DCDC1: variants seen among roughly 807,000 people sequenced by gnomAD.
DCDC1 encodes doublecortin domain-containing protein 1.
A neutral mutation model predicts 178.3 loss-of-function variants in DCDC1; 200 were observed. The ratio of observed to expected loss-of-function variants is 1.12; its 90% CI spans 1.00 to 1.26. The LOEUF is 1.26. Among genes scored for constraint, DCDC1 ranks in the 50% most tolerant of loss-of-function variants. The pLI, the probability that DCDC1 is intolerant of heterozygous loss-of-function variation, is 0.00. For missense variants in DCDC1, 1,983 were observed against 1,749.2 expected, an observed-to-expected ratio of 1.13 and a Z score of -2.38; for synonymous variants, 690 against 604.8, an observed-to-expected ratio of 1.14 and a Z score of -2.07.
At chr11:31,280,970 T>C (rs562068535) in intron 7 of DCDC1, 1 of 626,532 alleles carries the variant, frequency 1.6e-6, no homozygotes, top group South Asian at 1.4e-5. Flanking sequence ...TCTTCTTGCC[T>C]TTCTCAACAT....
intron 6 of DCDC1, among the ~76,000 whole-genome samples, chr11:31,292,397 G>T (rs1947297982): frequency 6.6e-6 from 1 of 152,082 alleles, no homozygotes; most frequent in South Asian, 2.1e-4. Context: ...ACAAATGATA[G>T]TACAATGTAT....
At chr11:31,062,007 G>C (rs1955948766) in intron 20 of DCDC1, among the ~76,000 whole-genome samples, 1 of 152,050 alleles carries the variant, frequency 6.6e-6, no homozygotes, top group South Asian at 2.1e-4. Context: ...AAATCCCTAA[G>C]CTACCCAGTG....
chr11:30,957,333 T>C (rs1214272707), intron 20 of DCDC1, among the ~76,000 whole-genome samples: 2 of 152,170 alleles, frequency 1.3e-5, no homozygotes, highest in Admixed American at 6.6e-5. Flanking sequence ...AAAAGGCTCA[T>C]CTCCTTTTTC....
At chr11:31,357,083 T>C in intron 1 of DCDC1, among the ~76,000 whole-genome samples, 1 of 151,998 alleles carries the variant, frequency 6.6e-6, no homozygotes, top group Non-Finnish European at 1.5e-5. Context: ...CCTAACTCAT[T>C]TTATGAGGGC....
At chr11:31,272,828 T>C (rs1945673051) in intron 7 of DCDC1, among the ~76,000 whole-genome samples, 1 of 152,200 alleles carries the variant, frequency 6.6e-6, no homozygotes, top group South Asian at 2.1e-4. Context: ...ATGGTGCAAG[T>C]TGTCAGTGGA....
intron 21 of DCDC1, among the ~76,000 whole-genome samples, chr11:30,933,521 G>A (rs1947074068): frequency 1.3e-5 from 2 of 152,178 alleles, no homozygotes; most frequent in Non-Finnish European, 1.5e-5. Flanking sequence ...TGCTCATGAT[G>A]TATGACACTT....
At chr11:30,999,465 T>C (rs1217633571) in intron 20 of DCDC1, among the ~76,000 whole-genome samples, 1 of 152,338 alleles carries the variant, frequency 6.6e-6, no homozygotes, top group East Asian at 1.9e-4. Context: ...TCTAATTTCC[T>C]TATGTATTCT....
At chr11:31,194,558 C>T (rs1970464869) in intron 9 of DCDC1, among the ~76,000 whole-genome samples, 1 of 151,980 alleles carries the variant, frequency 6.6e-6, no homozygotes, top group African/African-American at 2.4e-5. Flanking sequence ...CATAACTCTA[C>T]TTTTTAGTTA....
chr11:31,334,231 G>A (rs1021867543), intron 2 of DCDC1, among the ~76,000 whole-genome samples: 5 of 152,078 alleles, frequency 3.3e-5, no homozygotes, highest in African/African-American at 9.7e-5. Flanking sequence ...AGCTCCATCA[G>A]GTCATTTAAG....
chr11:31,006,849 T>C (rs1275479883), intron 20 of DCDC1, among the ~76,000 whole-genome samples: 2 of 152,248 alleles, frequency 1.3e-5, no homozygotes, highest in Non-Finnish European at 2.9e-5. Flanking sequence ...AAAATTATCT[T>C]ATACCACTTG....
At chr11:31,167,497 T>C (rs1236457864) in intron 9 of DCDC1, among the ~76,000 whole-genome samples, 1 of 152,174 alleles carries the variant, frequency 6.6e-6, no homozygotes, top group Non-Finnish European at 1.5e-5. Context: ...CTTTTTACTA[T>C]TTCCAGAAAA....
At chr11:31,013,938 C>T (rs77990357) in intron 20 of DCDC1, among the ~76,000 whole-genome samples, 217 of 152,308 alleles carry the variant, frequency 1.4e-3, no homozygotes, top group African/African-American at 5.0e-3. Flanking sequence ...CACAACTACA[C>T]TTGTGGTAGG....
At chr11:31,284,073 G>C (rs1185352038) in intron 7 of DCDC1, among the ~76,000 whole-genome samples, 1 of 151,488 alleles carries the variant, frequency 6.6e-6, no homozygotes, top group Non-Finnish European at 1.5e-5. Context: ...CTTCTCTTAG[G>C]CATTACAGCT....
chr11:30,943,790 T>A, intron 21 of DCDC1: 1 of 326,336 alleles, frequency 3.1e-6, no homozygotes, highest in Non-Finnish European at 6.0e-6. Flanking sequence ...TTCATAAAAA[T>A]ATTATCAATT....
intron 1 of DCDC1, among the ~76,000 whole-genome samples, chr11:31,365,479 C>T (rs1479912445): frequency 6.6e-6 from 1 of 151,900 alleles, no homozygotes; most frequent in Admixed American, 6.6e-5. Context: ...AAATATAATC[C>T]TGAATAGGAA....
At chr11:31,240,729 C>G (rs1390074660) in intron 9 of DCDC1, among the ~76,000 whole-genome samples, 2 of 151,928 alleles carry the variant, frequency 1.3e-5, no homozygotes, top group Admixed American at 6.6e-5. Flanking sequence ...AAACCAAGTA[C>G]AAAGAGGATT....
At chr11:31,089,275 T>C (rs1338072832) in intron 17 of DCDC1, among the ~76,000 whole-genome samples, 1 of 152,194 alleles carries the variant, frequency 6.6e-6, no homozygotes, top group Non-Finnish European at 1.5e-5. Context: ...TCTTCTTACT[T>C]CCATTGTTAC....
At chr11:31,191,128 A>G (rs779416284) in intron 9 of DCDC1, among the ~76,000 whole-genome samples, 11 of 152,148 alleles carry the variant, frequency 7.2e-5, no homozygotes, top group Non-Finnish European at 1.0e-4. Context: ...AGTGATTGTT[A>G]TCAGTTATGT....
chr11:30,973,349 C>T (rs1324724318), intron 20 of DCDC1, among the ~76,000 whole-genome samples: 1 of 151,842 alleles, frequency 6.6e-6, no homozygotes, highest in East Asian at 1.9e-4. Context: ...GTACTGGCTC[C>T]CTATTTGTCT....
Sources: gnomAD v4.1 joint callset for allele counts (sites outside exome capture counted in the v4.1 genomes callset) on GRCh38, gnomAD v4.1.1 for gene constraint, MANE v1.5 for transcripts, NCBI Gene and HGNC (gene_info 2026-07-23, HGNC 2026-07-21) for gene names.